The following ASIC2 variants were observed in gnomAD, a reference collection of about 807,000 sequenced individuals.
ASIC2 encodes acid sensing ion channel subunit 2, also known as acid-sensing ion channel 2.
In ASIC2, 25 loss-of-function variants were observed where a neutral mutation model predicts 57.3. The ratio of observed to expected loss-of-function variants is 0.44; its 90% CI spans 0.32 to 0.61. The LOEUF is 0.61. Among genes scored for constraint, ASIC2 ranks in the 20% least tolerant of loss-of-function variants. The probability of loss-of-function intolerance (pLI) is 0.06; values close to 1 mark genes in which losing one functional copy is unlikely to be tolerated. For missense variants in ASIC2, 641 were observed against 738.1 expected, an observed-to-expected ratio of 0.87 and a Z score of 1.52; for synonymous variants, 319 against 307.5, an observed-to-expected ratio of 1.04 and a Z score of -0.39.
At chr17:33,812,869 G>A (rs910621971) in intron 1 of ASIC2, among the ~76,000 whole-genome samples, 1 of 152,180 alleles carries the variant, frequency 6.6e-6, no homozygotes, top group African/African-American at 2.4e-5. Flanking sequence ...CTCTCACTGG[G>A]TGTGGGTCTT....
intron 1 of ASIC2, among the ~76,000 whole-genome samples, chr17:33,984,548 T>G (rs1229671313): frequency 6.6e-6 from 1 of 152,220 alleles, no homozygotes; most frequent in Non-Finnish European, 1.5e-5. Context: ...AGAGGAAATT[T>G]CCCAGGATTT....
chr17:33,888,664 C>A (rs1400640240), intron 1 of ASIC2, among the ~76,000 whole-genome samples: 2 of 152,096 alleles, frequency 1.3e-5, no homozygotes, highest in Non-Finnish European at 2.9e-5. Flanking sequence ...CATCTGCCCA[C>A]CAGCCTCTTA....
intron 1 of ASIC2, among the ~76,000 whole-genome samples, chr17:33,226,924 G>A (rs889876227): frequency 6.6e-6 from 1 of 151,978 alleles, no homozygotes; most frequent in Non-Finnish European, 1.5e-5. Context: ...TACATCCAAA[G>A]TAATGTAACT....
intron 3 of ASIC2, chr17:33,052,082 A>C (rs1364653689): frequency 5.9e-5 from 9 of 152,232 alleles, no homozygotes. Context: ...ATGGGACTGC[A>C]GAAAAAATAG....
chr17:33,239,283 T>C (rs1047154423), intron 1 of ASIC2, among the ~76,000 whole-genome samples: 14 of 151,000 alleles, frequency 9.3e-5, no homozygotes, highest in Non-Finnish European at 3.0e-5. Context: ...AGAGTGAGAC[T>C]CCGTCTCAAA....
intron 1 of ASIC2, among the ~76,000 whole-genome samples, chr17:33,748,130 C>A (rs1470978948): frequency 1.3e-5 from 2 of 152,224 alleles, no homozygotes; most frequent in Non-Finnish European, 2.9e-5. Flanking sequence ...AACTGCAAAG[C>A]CCACCCTTCT....
chr17:33,308,247 T>C (rs1906264599), intron 1 of ASIC2, among the ~76,000 whole-genome samples: 1 of 152,238 alleles, frequency 6.6e-6, no homozygotes, highest in Admixed American at 6.5e-5. Context: ...CTTTCACTGA[T>C]GGCAAATTTC....
At chr17:33,900,703 C>T (rs1253983149) in intron 1 of ASIC2, among the ~76,000 whole-genome samples, 1 of 152,144 alleles carries the variant, frequency 6.6e-6, no homozygotes, top group Non-Finnish European at 1.5e-5. Context: ...TATACATACT[C>T]ATTGAGGTGT....
rs34644081 is a variant in ASIC2, at chr17:34,007,606, G to C, written c.555+148372C>G. ...CAAATGACTTGCCTGATATCACATGGAATGCATGGCAGAGCCAGAATGAGG... is the reference window on the plus strand; with the variant it reads ...CAAATGACTTGCCTGATATCACATGCAATGCATGGCAGAGCCAGAATGAGG... On this transcript the variant is annotated intron_variant, in intron 1 of 9. Transcript: ENST00000359872. 3.9e-3 allele frequency among the ~76,000 whole-genome samples: 590 copies of C among 152,310 alleles called. 8 individuals carry two copies. The highest frequency in any genetic ancestry group is 0.013 in the African/African-American group (550 of 41,556).
At chr17:33,579,639 G>C (rs1453466829) in intron 1 of ASIC2, among the ~76,000 whole-genome samples, 1 of 151,792 alleles carries the variant, frequency 6.6e-6, no homozygotes, top group East Asian at 1.9e-4. Flanking sequence ...TGCGTCTGAA[G>C]TTTCTTCCTT....
At chr17:33,134,865 G>C (rs2092361794) in intron 1 of ASIC2, among the ~76,000 whole-genome samples, 1 of 152,206 alleles carries the variant, frequency 6.6e-6, no homozygotes, top group South Asian at 2.1e-4. Flanking sequence ...AATAAGTTCT[G>C]TACTGGGCTT....
chr17:33,395,066 A>C (rs1910028378), intron 1 of ASIC2, among the ~76,000 whole-genome samples: 1 of 141,196 alleles, frequency 7.1e-6, no homozygotes, highest in African/African-American at 2.6e-5. Context: ...CCATCCATCC[A>C]CTCATCCATC....
chr17:33,403,409 A>T (rs1006203985), intron 1 of ASIC2, among the ~76,000 whole-genome samples: 30 of 152,220 alleles, frequency 2.0e-4, no homozygotes, highest in African/African-American at 6.8e-4. Flanking sequence ...TCAGTTGTCT[A>T]GCTGGGTTGA....
intron 1 of ASIC2, among the ~76,000 whole-genome samples, chr17:34,135,807 A>C (rs936475244): frequency 6.6e-6 from 1 of 152,156 alleles, no homozygotes; most frequent in Non-Finnish European, 1.5e-5. Context: ...TAGTAAAACA[A>C]TCAAACAGAA....
intron 7 of ASIC2, among the ~76,000 whole-genome samples, chr17:33,019,950 C>A (rs1258269193): frequency 3.9e-5 from 6 of 152,040 alleles, no homozygotes; most frequent in African/African-American, 1.4e-4. Context: ...TGTCCTGGGT[C>A]CTCTTTATGG....
At chr17:33,770,074 T>C (rs1176469454) in intron 1 of ASIC2, among the ~76,000 whole-genome samples, 2 of 152,180 alleles carry the variant, frequency 1.3e-5, no homozygotes, top group East Asian at 3.8e-4. Context: ...GTTTATGAAA[T>C]GGAACAGCTG....
chr17:33,569,288 C>T (rs1362934559), intron 1 of ASIC2: 1 of 152,290 alleles, frequency 6.6e-6, no homozygotes, highest in Admixed American at 6.5e-5. Context: ...ATGTCTGAGT[C>T]CCCTGTCGTG....
At chr17:34,089,033 G>C (rs888184802) in intron 1 of ASIC2, among the ~76,000 whole-genome samples, 2 of 152,162 alleles carry the variant, frequency 1.3e-5, no homozygotes, top group Admixed American at 1.3e-4. Context: ...CACACAGTGC[G>C]CTGCACCCAC....
chr17:33,944,905 T>C (rs763119111), intron 1 of ASIC2, among the ~76,000 whole-genome samples: 1 of 152,156 alleles, frequency 6.6e-6, no homozygotes, highest in African/African-American at 2.4e-5. Flanking sequence ...CCTTTCTGCT[T>C]CCCTCACCCC....
Sources: allele counts gnomAD v4.1 joint callset (sites outside exome capture counted in the v4.1 genomes callset), GRCh38; gene constraint gnomAD v4.1.1; transcripts MANE v1.5; gene names NCBI Gene and HGNC (gene_info 2026-07-23, HGNC 2026-07-21).